Variants in STX2 observed in about 807,000 individuals in gnomAD.
STX2 encodes syntaxin 2, also known as syntaxin-2.
STX2 carries 27 observed loss-of-function variants against 40.6 expected under a neutral mutation model. The ratio of observed to expected loss-of-function variants is 0.66; its 90% CI spans 0.49 to 0.92. STX2 has a LOEUF of 0.92. Ranked by LOEUF, STX2 falls within the 40% of genes least tolerant of loss-of-function variation. STX2 has a pLI of 0.00. For synonymous variants in STX2, 123 were observed against 119.1 expected (o/e 1.03, Z -0.22); for missense variants, 328 against 366.1 (o/e 0.90, Z 0.85).
chr12:130,834,506 C>CGATA (rs888425552), intron 1 of STX2, among the ~76,000 whole-genome samples: 28 of 152,264 alleles, frequency 1.8e-4, no homozygotes, highest in African/African-American at 6.3e-4. Context: ...CACCACAAGG[C>CGATA]GATAGATCTG....
At chr12:130,795,836 C>T (rs1046443458) in intron 10 of STX2, among the ~76,000 whole-genome samples, 159 bp downstream of exon 10, 7 of 152,212 alleles carry the variant, frequency 4.6e-5, no homozygotes, top group Admixed American at 4.6e-4. Flanking sequence ...AGTGGCTGGG[C>T]ACTCGAATCA....
chr12:130,838,905 G>T lies in STX2; in HGVS notation c.30+165C>A, dbSNP rs574477914. ...CCTGGGGACCCCACCAGCAGTCCCC[G>T]CTCAGGACTCCCTGAGACCCTGCCC... On this transcript the variant is annotated intron_variant, in intron 1 of 10. Transcript: ENST00000392373. Among the ~76,000 whole-genome samples the T allele has an allele frequency of 5.0e-3, 675 of 134,122 alleles. 9 individuals are homozygous for T. Among genetic ancestry groups the T allele is most frequent in the African/African-American group, 0.018 (648 of 35,618 alleles). The allele number at this position is 134,122 out of a possible 152,430, so 88.0% of individuals were successfully genotyped here. A position where few individuals can be genotyped will look rare whatever the true frequency, so the allele number is the denominator to read the frequency against.
Position 130,813,007 on chromosome 12 carries a change from AG to A in STX2, c.229del (p.Leu77Ter). ...EGKIKEELED[L>X]NKEIKKTANK... ...CGCAGTTTTCTTGATTTCTTTGTTCAGATCTTCAAGCTCTTCTTTTATTTCT... is the reference window on the plus strand; with the variant it reads ...CGCAGTTTTCTTGATTTCTTTGTTCAATCTTCAAGCTCTTCTTTTATTTCT... On this transcript the variant is annotated frameshift_variant, in exon 4 of 11. Transcript: ENST00000392373. LOFTEE classifies it high-confidence loss of function. 6.5e-7 allele frequency: 1 copy of A among 1,537,666 alleles called. No individual in the cohort carries two copies. The highest frequency in any genetic ancestry group is 8.7e-7 in the Non-Finnish European group (1 of 1,150,434).
chr12:130,806,110 G>A (rs1335362125), intron 6 of STX2, among the ~76,000 whole-genome samples: 1 of 152,200 alleles, frequency 6.6e-6, no homozygotes, highest in African/African-American at 2.4e-5. Flanking sequence ...AAACACACTG[G>A]AAAAGAGTAT....
intron 4 of STX2, among the ~76,000 whole-genome samples, chr12:130,811,136 T>C (rs1275022732): frequency 6.6e-6 from 1 of 152,068 alleles, no homozygotes; most frequent in African/African-American, 2.4e-5. Context: ...GACTGGCGGA[T>C]CATTTGAGGT....
chr12:130,812,394 G>A, intron 4 of STX2: 1 of 452,476 alleles, frequency 2.2e-6, no homozygotes, highest in Non-Finnish European at 4.4e-6. Flanking sequence ...CTGTGGAGCT[G>A]GGGGGTCGGC....
intron 1 of STX2, 82 bp downstream of exon 1, chr12:130,838,988 G>A: frequency 3.8e-6 from 1 of 263,334 alleles, no homozygotes; most frequent in Non-Finnish European, 5.6e-6. Flanking sequence ...CCGGAGCCCC[G>A]CCCAAGACGC....
chr12:130,813,205 G>A (rs1020789128), intron 3 of STX2, among the ~76,000 whole-genome samples, 174 bp from the exon 4 acceptor site: 4 of 152,152 alleles, frequency 2.6e-5, no homozygotes, highest in Non-Finnish European at 4.4e-5. Flanking sequence ...CTAGACAGCA[G>A]CTTTCATAAA....
chr12:130,838,997 GCCCCGAGC>G, intron 1 of STX2, 65 bp downstream of exon 1: 1 of 585,856 alleles, frequency 1.7e-6, no homozygotes, highest in Middle Eastern at 6.8e-4. Flanking sequence ...CGCCCAAGAC[GCCCCGAGC>G]CCCCGCCCGC....
intron 4 of STX2, among the ~76,000 whole-genome samples, chr12:130,809,149 G>C (rs529863002): frequency 6.6e-6 from 1 of 152,180 alleles, no homozygotes; most frequent in Non-Finnish European, 1.5e-5. Flanking sequence ...TTACAGGTGC[G>C]AGCCACTGCG....
intron 3 of STX2, among the ~76,000 whole-genome samples, chr12:130,820,862 A>G (rs995271426): frequency 1.3e-5 from 2 of 152,028 alleles, no homozygotes; most frequent in Admixed American, 6.6e-5. Flanking sequence ...TCAAAGACTC[A>G]ACGTTGTTAA....
chr12:130,806,341 A>G (rs547022322), intron 6 of STX2, among the ~76,000 whole-genome samples: 26 of 152,300 alleles, frequency 1.7e-4, no homozygotes, highest in South Asian at 4.1e-4. Flanking sequence ...TACTCACAGC[A>G]CAGCAGGCAA....
intron 1 of STX2, among the ~76,000 whole-genome samples, chr12:130,836,815 T>G (rs958679772): frequency 1.3e-5 from 2 of 152,094 alleles, no homozygotes; most frequent in Non-Finnish European, 2.9e-5. Context: ...ACTCCATGAG[T>G]GGAAACTTCC....
intron 3 of STX2, among the ~76,000 whole-genome samples, chr12:130,818,185 A>AAATATATATATAT: frequency 1.4e-4 from 10 of 70,540 alleles, no homozygotes; most frequent in African/African-American, 5.9e-4. Flanking sequence ...AAAAAAAAAA[A>AAATATATATATAT]ATATATATAT....
chr12:130,836,504 G>C (rs1234563287), intron 1 of STX2, among the ~76,000 whole-genome samples: 1 of 152,142 alleles, frequency 6.6e-6, no homozygotes, highest in Admixed American at 6.5e-5. Flanking sequence ...GAACTCCTGA[G>C]CTCAAATGAT....
At chr12:130,801,067 G>T in intron 8 of STX2, 86 bp downstream of exon 8, 1 of 1,434,890 alleles carries the variant, frequency 7.0e-7, no homozygotes, top group Non-Finnish European at 9.3e-7. Flanking sequence ...AGCTTTCCTA[G>T]ATACATCCAC....
chr12:130,834,519 C>A (rs1305379652), intron 1 of STX2, among the ~76,000 whole-genome samples: 1 of 152,186 alleles, frequency 6.6e-6, no homozygotes, highest in African/African-American at 2.4e-5. Flanking sequence ...TAGATCTGGG[C>A]TCCTAGGGAG....
intron 6 of STX2, 144 bp from the exon 7 acceptor site, chr12:130,801,632 C>A: frequency 1.3e-6 from 1 of 793,828 alleles, no homozygotes; most frequent in Non-Finnish European, 1.8e-6. Flanking sequence ...CAGATATTGA[C>A]AATGAGAAGT....
In STX2 at chr12:130,834,627, T is replaced by C. The variant is rs113217935; in HGVS notation, c.30+4443A>G. 3.9e-3 allele frequency among the ~76,000 whole-genome samples: 600 copies of C among 152,296 alleles called. 2 individuals carry two copies. The highest frequency in any genetic ancestry group is 0.014 in the African/African-American group (564 of 41,570). ...GAAGTGATTAATCTGTAAAAACATA[T>C]AGATTTTGCTCTTCAAACTAAAGGA... On this transcript the variant is annotated intron_variant, in intron 1 of 10. Transcript: ENST00000392373.
Sources: allele counts gnomAD v4.1 joint callset (sites outside exome capture counted in the v4.1 genomes callset), GRCh38; gene constraint gnomAD v4.1.1; transcripts MANE v1.5; gene names NCBI Gene and HGNC (gene_info 2026-07-23, HGNC 2026-07-21).